Variants in DISC1 observed in about 807,000 individuals in gnomAD.
DISC1 encodes the protein disrupted in schizophrenia 1 protein.
Under a neutral mutation model 84.5 loss-of-function variants are expected in DISC1, and 57 were observed. The ratio of observed to expected loss-of-function variants is 0.67; its 90% CI spans 0.55 to 0.84. The LOEUF is 0.84. DISC1 is among the 40% of genes least tolerant of loss of function. The pLI, the probability that DISC1 is intolerant of heterozygous loss-of-function variation, is 0.00. For missense variants in DISC1, 1,000 were observed against 1,057.8 expected, an observed-to-expected ratio of 0.95 and a Z score of 0.76; for synonymous variants, 411 against 415.2, an observed-to-expected ratio of 0.99 and a Z score of 0.12.
intron 9 of DISC1, among the ~76,000 whole-genome samples, chr1:231,843,453 T>TG (rs1176909789): frequency 2.6e-5 from 4 of 151,916 alleles, no homozygotes; most frequent in East Asian, 3.9e-4. Context: ...AGATTTGCAT[T>TG]GGGGGGATGA....
intron 3 of DISC1, among the ~76,000 whole-genome samples, chr1:231,706,570 A>G (rs960459189): frequency 2.0e-5 from 3 of 152,226 alleles, no homozygotes; most frequent in African/African-American, 4.8e-5. Flanking sequence ...TCAGTGACTT[A>G]TATCAATGTG....
At chr1:231,688,738 A>C (rs2064625151) in intron 1 of DISC1, among the ~76,000 whole-genome samples, 1 of 152,214 alleles carries the variant, frequency 6.6e-6, no homozygotes, top group South Asian at 2.1e-4. Flanking sequence ...AAGCATAAGC[A>C]GTTTGAGGGC....
At chr1:231,695,817 C>T (rs78982262) in intron 2 of DISC1, among the ~76,000 whole-genome samples, 7 of 152,058 alleles carry the variant, frequency 4.6e-5, no homozygotes, top group African/African-American at 1.7e-4. Context: ...GCTCATTCCC[C>T]GAAAGAGCAT....
chr1:232,006,309 ACT>A (rs1188215251), intron 10 of DISC1, among the ~76,000 whole-genome samples: 1 of 152,228 alleles, frequency 6.6e-6, no homozygotes, highest in East Asian at 1.9e-4. Context: ...AAAGTTTGTA[ACT>A]TCCTAGAGAC....
Position 231,853,007 on chromosome 1 carries a change from A to G in DISC1, c.1981+34490A>G, listed in dbSNP as rs555590604. Among the ~76,000 whole-genome samples the G allele has an allele frequency of 5.9e-5, 9 of 152,306 alleles. No individual in the cohort carries two copies. In the South Asian group the frequency reaches 1.9e-3, roughly 32 times the overall value. On this transcript the variant is annotated intron_variant, in intron 9 of 12. Coordinates refer to ENST00000439617, the MANE Select transcript of DISC1 (RefSeq NM_018662.3). ...TTTGACCTTATAGCAGCTCTAAAAT[A>G]TTAGACTGCAGTTAGGAAATGCCCT...
chr1:231,835,419 T>C (rs994838791), intron 9 of DISC1, among the ~76,000 whole-genome samples: 3 of 152,118 alleles, frequency 2.0e-5, no homozygotes, highest in African/African-American at 4.8e-5. Flanking sequence ...GGGTTGTTCT[T>C]TGGCGGGCAG....
At chr1:231,758,953 C>T (rs994494339) in intron 4 of DISC1, among the ~76,000 whole-genome samples, 6 of 152,232 alleles carry the variant, frequency 3.9e-5, no homozygotes, top group South Asian at 2.1e-4. Context: ...TGTCCTTTAT[C>T]GAAGACCTTT....
chr1:231,679,223 T>C (rs140989720), intron 1 of DISC1, among the ~76,000 whole-genome samples: 1 of 152,300 alleles, frequency 6.6e-6, no homozygotes, highest in Non-Finnish European at 1.5e-5. Flanking sequence ...GCATGAGTGA[T>C]TTTCTATTGG....
chr1:231,841,682 C>T (rs775364349), intron 9 of DISC1, among the ~76,000 whole-genome samples: 9 of 152,192 alleles, frequency 5.9e-5, no homozygotes, highest in Admixed American at 2.0e-4. Context: ...TGTGTGGTGA[C>T]ACCCATAAAA....
chr1:231,842,663 G>A (rs1027164962), intron 9 of DISC1, among the ~76,000 whole-genome samples: 3 of 152,114 alleles, frequency 2.0e-5, no homozygotes, highest in African/African-American at 4.8e-5. Context: ...TGTCAGACAC[G>A]TGAATTCAGA....
intron 4 of DISC1, among the ~76,000 whole-genome samples, chr1:231,766,288 T>A (rs1345190232): frequency 1.4e-4 from 15 of 106,116 alleles, no homozygotes; most frequent in South Asian, 1.0e-3. Flanking sequence ...AGACATTATC[T>A]AAAAAAAAAA....
chr1:231,683,958 C>T (rs112847495), intron 1 of DISC1, among the ~76,000 whole-genome samples: 3 of 152,008 alleles, frequency 2.0e-5, no homozygotes, highest in African/African-American at 4.8e-5. Context: ...TTCTCTCCAC[C>T]GGCAATGACC....
chr1:231,986,707 G>C (rs1664496447), intron 10 of DISC1, among the ~76,000 whole-genome samples: 1 of 152,168 alleles, frequency 6.6e-6, no homozygotes. Flanking sequence ...TAGAGTCAAA[G>C]GAAAACAATC....
chr1:231,939,466 G>T (rs564797194), intron 9 of DISC1, among the ~76,000 whole-genome samples: 10 of 152,176 alleles, frequency 6.6e-5, no homozygotes, highest in Admixed American at 6.5e-4. Context: ...ATTCTCCTTT[G>T]TAGGGCCCTT....
chr1:231,692,134 A>C lies in DISC1; in HGVS notation c.68-1692A>C, dbSNP rs142905760. 1.3e-3 allele frequency among the ~76,000 whole-genome samples: 194 copies of C among 152,306 alleles called. 1 individual carries two copies. Among genetic ancestry groups the C allele is most frequent in the African/African-American group, 4.5e-3 (187 of 41,558 alleles). ...CCATGATCCGGGAGTTCTGGGGCAA[A>C]GTAAGGCTTTCTGAGCTTTAGCTGT... On this transcript the variant is annotated intron_variant, in intron 1 of 12. Transcript: ENST00000439617.
intron 3 of DISC1, among the ~76,000 whole-genome samples, chr1:231,746,722 C>T (rs1460436647): frequency 1.3e-5 from 2 of 152,138 alleles, no homozygotes; most frequent in African/African-American, 4.8e-5. Flanking sequence ...TGATGTTGAG[C>T]ATTAAAAATA....
At chr1:231,786,045 G>A (rs1253447132) in intron 6 of DISC1, among the ~76,000 whole-genome samples, 1 of 151,724 alleles carries the variant, frequency 6.6e-6, no homozygotes, top group Non-Finnish European at 1.5e-5. Context: ...AATATATTCT[G>A]TATATTTCTG....
intron 9 of DISC1, among the ~76,000 whole-genome samples, chr1:231,844,987 C>T (rs573094661): frequency 1.3e-5 from 2 of 151,372 alleles, no homozygotes; most frequent in Admixed American, 6.6e-5. Flanking sequence ...GAAGGAATGT[C>T]TGGGTTTCGA....
chr1:231,726,141 C>G (rs1184519792), intron 3 of DISC1, among the ~76,000 whole-genome samples: 3 of 152,150 alleles, frequency 2.0e-5, no homozygotes, highest in Admixed American at 1.3e-4. Flanking sequence ...TAATAACAGG[C>G]ACAGCCCCAA....
Sources: gnomAD v4.1 joint callset for allele counts (sites outside exome capture counted in the v4.1 genomes callset) on GRCh38, gnomAD v4.1.1 for gene constraint, MANE v1.5 for transcripts, NCBI Gene and HGNC (gene_info 2026-07-23, HGNC 2026-07-21) for gene names.